The following CERS6 variants were observed in gnomAD, a reference collection of about 807,000 sequenced individuals.
CERS6 encodes LAG1 homolog, ceramide synthase 6.
Under a neutral mutation model 56.8 loss-of-function variants are expected in CERS6, and 26 were observed. That is an observed-to-expected ratio of 0.46 (90% CI 0.34 to 0.63). The LOEUF is 0.63. Ranked by LOEUF, CERS6 falls within the 30% of genes least tolerant of loss-of-function variation. CERS6 has a pLI of 0.01. For synonymous variants in CERS6, 164 were observed against 173.3 expected (o/e 0.95, Z 0.42); for missense variants, 415 against 467.5 (o/e 0.89, Z 1.04).
chr2:168,696,336 C>T (rs1009441925), intron 6 of CERS6, among the ~76,000 whole-genome samples: 3 of 152,116 alleles, frequency 2.0e-5, no homozygotes, highest in South Asian at 2.1e-4. Flanking sequence ...TTTGCCACTC[C>T]GTATACCTTC....
At chr2:168,751,302 G>C (rs1370796388) in intron 8 of CERS6, among the ~76,000 whole-genome samples, 1 of 152,178 alleles carries the variant, frequency 6.6e-6, no homozygotes, top group Non-Finnish European at 1.5e-5. Flanking sequence ...GGCTGTATCA[G>C]GTACTTTTTT....
intron 3 of CERS6, among the ~76,000 whole-genome samples, chr2:168,587,255 G>T (rs1485970917): frequency 6.6e-6 from 1 of 152,142 alleles, no homozygotes; most frequent in African/African-American, 2.4e-5. Flanking sequence ...CATTATGTCT[G>T]GTTTCTTCAT....
chr2:168,712,572 A>G (rs963742683), intron 6 of CERS6, among the ~76,000 whole-genome samples: 8 of 152,380 alleles, frequency 5.3e-5, no homozygotes, highest in Admixed American at 2.0e-4. Flanking sequence ...GAACAGTTAC[A>G]TATCAGGGAT....
intron 3 of CERS6, among the ~76,000 whole-genome samples, chr2:168,570,477 C>T (rs570843843): frequency 1.2e-4 from 18 of 152,286 alleles, no homozygotes; most frequent in African/African-American, 2.9e-4. Context: ...GAAGAGGACA[C>T]GGCTTGCCTG....
At chr2:168,769,244 G>A (rs1301207363) in intron 9 of CERS6, among the ~76,000 whole-genome samples, 4 of 152,158 alleles carry the variant, frequency 2.6e-5, no homozygotes, top group Non-Finnish European at 5.9e-5. Context: ...TCATGGTCTA[G>A]TATGTTCTCA....
At chr2:168,580,458 G>A (rs192097014) in intron 3 of CERS6, among the ~76,000 whole-genome samples, 1 of 152,130 alleles carries the variant, frequency 6.6e-6, no homozygotes, top group East Asian at 1.9e-4. Flanking sequence ...GAAAATCCAA[G>A]GTGTTTAGAG....
intron 1 of CERS6, among the ~76,000 whole-genome samples, chr2:168,464,367 G>T (rs1476889081): frequency 6.6e-6 from 1 of 152,030 alleles, no homozygotes; most frequent in Non-Finnish European, 1.5e-5. Flanking sequence ...CACCATGTTG[G>T]CCGGGCTAGT....
At chr2:168,656,135 T>C (rs1685462660) in intron 4 of CERS6, among the ~76,000 whole-genome samples, 1 of 152,226 alleles carries the variant, frequency 6.6e-6, no homozygotes, top group South Asian at 2.1e-4. Context: ...GAAGAGATTC[T>C]GCCTGGATGG....
chr2:168,504,876 T>C lies in CERS6; in HGVS notation c.171-42720T>C, dbSNP rs1694648088. Reference sequence around the variant, plus strand: ...TACATTAGGTAGAGGTTTGTTGGGGTCTAAATGTATGGTAATAGGTGGTGC... The same window carrying C: ...TACATTAGGTAGAGGTTTGTTGGGGCCTAAATGTATGGTAATAGGTGGTGC... On this transcript the variant is annotated intron_variant, in intron 1 of 9. Transcript: ENST00000305747. Among the ~76,000 whole-genome samples, 3 of 152,164 alleles carry C rather than the reference T, an allele frequency of 2.0e-5. No homozygotes were observed. In the South Asian group the frequency reaches 6.2e-4, roughly 32 times the overall value.
intron 9 of CERS6, among the ~76,000 whole-genome samples, chr2:168,769,155 T>C (rs555062334): frequency 6.6e-6 from 1 of 152,170 alleles, no homozygotes; most frequent in South Asian, 2.1e-4. Context: ...CATCAATGAG[T>C]AAATTGATCC....
In CERS6 at chr2:168,550,572, C is replaced by A. The variant is rs1228192155; in HGVS notation, c.276+2871C>A. Among the ~76,000 whole-genome samples, 5 of 152,156 alleles carry A rather than the reference C, an allele frequency of 3.3e-5. No homozygotes were observed. In the East Asian group the frequency reaches 9.6e-4, roughly 29 times the overall value. On this transcript the variant is annotated intron_variant, in intron 2 of 9. Transcript: ENST00000305747. Reference sequence around the variant, plus strand: ...AGACCCTCACAGGTAGCTGGGGGCCCCACCCTGTGACTTAGTGTGCACATG... The same window carrying A: ...AGACCCTCACAGGTAGCTGGGGGCCACACCCTGTGACTTAGTGTGCACATG...
chr2:168,668,626 A>AT (rs1032017700), intron 4 of CERS6, among the ~76,000 whole-genome samples: 25 of 151,352 alleles, frequency 1.7e-4, no homozygotes, highest in African/African-American at 5.8e-4. Context: ...ATTTTTCTTA[A>AT]TTTTTTTAGT....
intron 1 of CERS6, among the ~76,000 whole-genome samples, chr2:168,517,843 T>C (rs917752153): frequency 6.6e-6 from 1 of 152,178 alleles, no homozygotes; most frequent in Non-Finnish European, 1.5e-5. Flanking sequence ...ACCTCTAAAA[T>C]TTTGGAGGGG....
chr2:168,648,886 G>A (rs1685270458), intron 4 of CERS6, among the ~76,000 whole-genome samples: 1 of 152,092 alleles, frequency 6.6e-6, no homozygotes, highest in Non-Finnish European at 1.5e-5. Flanking sequence ...TTTGCATTTA[G>A]TGAGGATTGT....
intron 6 of CERS6, among the ~76,000 whole-genome samples, chr2:168,709,540 A>G (rs1308490193): frequency 6.6e-6 from 1 of 152,104 alleles, no homozygotes; most frequent in African/African-American, 2.4e-5. Flanking sequence ...TCCAGAAACA[A>G]TATGGTAGAA....
chr2:168,656,393 G>T (rs1317417761), intron 4 of CERS6, among the ~76,000 whole-genome samples: 1 of 152,198 alleles, frequency 6.6e-6, no homozygotes, highest in Non-Finnish European at 1.5e-5. Flanking sequence ...TGAAGCCGTG[G>T]ACCCTCGCGG....
At chr2:168,496,563 T>G (rs1382270174) in intron 1 of CERS6, among the ~76,000 whole-genome samples, 1 of 152,186 alleles carries the variant, frequency 6.6e-6, no homozygotes, top group East Asian at 1.9e-4. Context: ...AGCTCTATAA[T>G]TCTGTGTCAA....
chr2:168,572,840 A>G (rs1696015914), intron 3 of CERS6, among the ~76,000 whole-genome samples: 1 of 151,950 alleles, frequency 6.6e-6, no homozygotes, highest in East Asian at 1.9e-4. Context: ...TTATCTTTTC[A>G]TCCCCACCAC....
chr2:168,755,183 A>G (rs1684381324), intron 8 of CERS6, among the ~76,000 whole-genome samples: 1 of 152,230 alleles, frequency 6.6e-6, no homozygotes, highest in Non-Finnish European at 1.5e-5. Flanking sequence ...ATAATTAAAT[A>G]CTGTTTTAGG....
Sources: gnomAD v4.1 joint callset for allele counts (sites outside exome capture counted in the v4.1 genomes callset) on GRCh38, gnomAD v4.1.1 for gene constraint, MANE v1.5 for transcripts, NCBI Gene and HGNC (gene_info 2026-07-23, HGNC 2026-07-21) for gene names.